NEK10: variants seen among roughly 807,000 people sequenced by gnomAD.
The protein encoded by NEK10 is serine/threonine-protein kinase Nek10.
In NEK10, 122 loss-of-function variants were observed where a neutral mutation model predicts 159.8. That is an observed-to-expected ratio of 0.76 (90% CI 0.66 to 0.89). The LOEUF is 0.89. Ranked by LOEUF, NEK10 falls within the 40% of genes least tolerant of loss-of-function variation. NEK10 has a pLI of 0.00. For synonymous variants in NEK10, 466 were observed against 457.1 expected (o/e 1.02, Z -0.25); for missense variants, 1,342 against 1,323.1 (o/e 1.01, Z -0.22).
chr3:27,328,942 A>G (rs956380733), intron 5 of NEK10, among the ~76,000 whole-genome samples: 2 of 152,238 alleles, frequency 1.3e-5, no homozygotes, highest in Non-Finnish European at 2.9e-5. Flanking sequence ...GGAAGAGCCC[A>G]CAAATCAATA....
chr3:27,165,819 C>G (rs369897661), intron 29 of NEK10, among the ~76,000 whole-genome samples: 1 of 152,134 alleles, frequency 6.6e-6, no homozygotes, highest in East Asian at 1.9e-4. Flanking sequence ...AGACTTTTCG[C>G]TGAATTAAGT....
intron 5 of NEK10, among the ~76,000 whole-genome samples, chr3:27,334,246 G>A (rs1247101491): frequency 6.6e-6 from 1 of 152,176 alleles, no homozygotes; most frequent in African/African-American, 2.4e-5. Context: ...GGAAACTAGT[G>A]TGCCTAGCCC....
chr3:27,194,144 G>C (rs1244660500), intron 25 of NEK10: 1 of 75,458 alleles, frequency 1.3e-5, no homozygotes, highest in Non-Finnish European at 2.7e-5. Context: ...TTTTTTTTTT[G>C]AGACGGAGTC....
Position 27,295,602 on chromosome 3 carries a change from A to G in NEK10, c.1308+11T>C, listed in dbSNP as rs1257455149. The G allele has an allele frequency of 6.4e-7, 1 of 1,551,642 alleles. No individual in the cohort carries two copies. Among genetic ancestry groups the G allele is most frequent in the Admixed American group, 2.0e-5 (1 of 50,124 alleles). On this transcript the variant is annotated intron_variant, in intron 15 of 35. Coordinates refer to ENST00000691995, the MANE Select transcript of NEK10 (RefSeq NM_001394966.1). ...AACTTGATACTGAAGGACAAGAGACATGTTTATTACCTGTAATAGATTACT... is the reference window on the plus strand; with the variant it reads ...AACTTGATACTGAAGGACAAGAGACGTGTTTATTACCTGTAATAGATTACT...
chr3:27,297,087 C>A, intron 14 of NEK10, 92 bp downstream of exon 14: 1 of 734,996 alleles, frequency 1.4e-6, no homozygotes, highest in Non-Finnish European at 2.3e-6. Context: ...ATGGGAATCC[C>A]AAAACCTATG....
At chr3:27,142,245 C>A (rs147188398) in intron 30 of NEK10, among the ~76,000 whole-genome samples, 1 of 152,120 alleles carries the variant, frequency 6.6e-6, no homozygotes, top group Non-Finnish European at 1.5e-5. Flanking sequence ...GCTTTCCCAG[C>A]GTCCTCTGCC....
chr3:27,244,945 G>A (rs1373101196), intron 23 of NEK10, among the ~76,000 whole-genome samples: 2 of 151,978 alleles, frequency 1.3e-5, no homozygotes, highest in African/African-American at 4.8e-5. Context: ...CTGTCTATTG[G>A]GCTACCACAC....
chr3:27,191,090 A>T (rs1293508905), intron 26 of NEK10, among the ~76,000 whole-genome samples: 1 of 152,210 alleles, frequency 6.6e-6, no homozygotes, highest in Admixed American at 6.5e-5. Flanking sequence ...CCCACTAAAC[A>T]GTAGTACTTT....
intron 5 of NEK10, among the ~76,000 whole-genome samples, chr3:27,323,363 G>A (rs1575745650): frequency 1.3e-5 from 2 of 152,182 alleles, no homozygotes. Context: ...CTGGCTCTCT[G>A]TGCCTGCAGG....
At chr3:27,205,916 C>A (rs367660122) in intron 23 of NEK10, among the ~76,000 whole-genome samples, 82 of 150,638 alleles carry the variant, frequency 5.4e-4, no homozygotes, top group African/African-American at 1.9e-3. Flanking sequence ...TCAGAGTGAA[C>A]AGGCAACCTA....
intron 22 of NEK10, among the ~76,000 whole-genome samples, chr3:27,281,294 A>G (rs780669496): frequency 1.3e-5 from 2 of 152,138 alleles, no homozygotes; most frequent in Non-Finnish European, 2.9e-5. Flanking sequence ...GAAATAATGC[A>G]GGAAAACTTC....
At position 27,109,333 on chromosome 3, in the gene NEK10, C is replaced by T. The variant is rs972758333; in HGVS notation, c.*1939G>A. 2.7e-5 allele frequency among the ~76,000 whole-genome samples: 4 copies of T among 146,632 alleles called. No individual in the cohort carries two copies. The highest frequency in any genetic ancestry group is 5.9e-5 in the Non-Finnish European group (4 of 67,308). ...GGCGGAGGTTGCAGTAAGTTAAGAT[C>T]TCGCCATTGCACTCAAGCCTGGGCA... On this transcript the variant is annotated 3_prime_UTR_variant, in exon 36 of 36. Transcript: ENST00000691995.
At chr3:27,111,734 A>G (rs1028562836) in intron 35 of NEK10, among the ~76,000 whole-genome samples, 3 of 152,250 alleles carry the variant, frequency 2.0e-5, no homozygotes, top group Non-Finnish European at 4.4e-5. Context: ...AAAATAAAAT[A>G]TTAATGTAAT....
chr3:27,235,153 A>G (rs1312497076), intron 23 of NEK10, among the ~76,000 whole-genome samples: 1 of 152,178 alleles, frequency 6.6e-6, no homozygotes, highest in Non-Finnish European at 1.5e-5. Context: ...ACCCAAAACT[A>G]TAAAAACCCT....
chr3:27,203,082 G>A (rs11708854), intron 23 of NEK10, among the ~76,000 whole-genome samples: 35,602 of 151,968 alleles, frequency 0.23, 4,482 homozygotes, highest in Middle Eastern at 0.38. Context: ...ACTACCAGAG[G>A]AAGAATGTGT....
At chr3:27,263,000 G>A (rs971220933) in intron 22 of NEK10, among the ~76,000 whole-genome samples, 2 of 152,150 alleles carry the variant, frequency 1.3e-5, no homozygotes, top group East Asian at 1.9e-4. Context: ...TGGGGTTTTG[G>A]TGTGGATGTC....
intron 23 of NEK10, among the ~76,000 whole-genome samples, chr3:27,239,858 T>G (rs1309807555): frequency 6.6e-6 from 1 of 152,228 alleles, no homozygotes; most frequent in Non-Finnish European, 1.5e-5. Flanking sequence ...CAATTATATG[T>G]AGGAACACTA....
At chr3:27,280,962 TAC>T (rs1341573844) in intron 22 of NEK10, among the ~76,000 whole-genome samples, 1 of 151,610 alleles carries the variant, frequency 6.6e-6, no homozygotes, top group South Asian at 2.1e-4. Context: ...TATATATATA[TAC>T]CTTCAGAAGA....
chr3:27,138,833 G>A (rs1402046840), intron 31 of NEK10, among the ~76,000 whole-genome samples: 1 of 152,222 alleles, frequency 6.6e-6, no homozygotes, highest in African/African-American at 2.4e-5. Flanking sequence ...TCCTGATGAA[G>A]TGCCAACTGA....
Sources: allele counts gnomAD v4.1 joint callset (sites outside exome capture counted in the v4.1 genomes callset), GRCh38; gene constraint gnomAD v4.1.1; transcripts MANE v1.5; gene names NCBI Gene and HGNC (gene_info 2026-07-23, HGNC 2026-07-21).